The following PARD3 variants were observed in gnomAD, a reference collection of about 807,000 sequenced individuals.
PARD3 encodes par-3 family cell polarity regulator.
PARD3 carries 75 observed loss-of-function variants against 155.4 expected under a neutral mutation model. That is an observed-to-expected ratio of 0.48 (90% confidence interval 0.40 to 0.58). The LOEUF is 0.58. Ranked by LOEUF, PARD3 falls within the 20% of genes least tolerant of loss-of-function variation. PARD3 has a pLI of 0.00. For synonymous variants in PARD3, 576 were observed against 610.5 expected (o/e 0.94, Z 0.83); for missense variants, 1,642 against 1,721.7 (o/e 0.95, Z 0.82).
At chr10:34,573,729 AAACAAAAACACACACACAC>A (rs2086635896) in intron 2 of PARD3, among the ~76,000 whole-genome samples, 2 of 90,442 alleles carry the variant, frequency 2.2e-5, no homozygotes, top group African/African-American at 5.8e-5. Context: ...ACAAACAAAC[AAACAAAAACACACACACAC>A]ACACACACAC....
At chr10:34,210,277 G>A (rs2133392985) in intron 22 of PARD3, among the ~76,000 whole-genome samples, 1 of 152,332 alleles carries the variant, frequency 6.6e-6, no homozygotes, top group East Asian at 1.9e-4. Flanking sequence ...GGAATTGGAA[G>A]AGTATGAGGA....
chr10:34,145,005 GC>G (rs1280317039), intron 22 of PARD3, among the ~76,000 whole-genome samples: 4 of 151,694 alleles, frequency 2.6e-5, no homozygotes, highest in African/African-American at 9.7e-5. Flanking sequence ...GCGTTTGCAT[GC>G]TTTAAATGTA....
rs1383916842 is a variant in PARD3 at position 34,196,164 on chromosome 10, A to C, written c.3420-64581T>G. Among the ~76,000 whole-genome samples the C allele has an allele frequency of 3.3e-5, 5 of 152,134 alleles. No individual in the cohort carries two copies. In the East Asian group the frequency reaches 9.6e-4, roughly 29 times the overall value. On this transcript the variant is annotated intron_variant, in intron 22 of 24. Coordinates refer to ENST00000374788, the MANE Select transcript of PARD3 (RefSeq NM_001184785.2). ...TGCTGGCCTGTGAGCTCCTTTGTCTATAGCTTTCTAGAAATAAGTGACCCA... is the reference window on the plus strand; with the variant it reads ...TGCTGGCCTGTGAGCTCCTTTGTCTCTAGCTTTCTAGAAATAAGTGACCCA...
intron 22 of PARD3, among the ~76,000 whole-genome samples, chr10:34,190,241 C>T (rs1950648062): frequency 6.6e-6 from 1 of 152,178 alleles, no homozygotes; most frequent in African/African-American, 2.4e-5. Context: ...TCTTCACAGA[C>T]ATTAAACAAC....
At chr10:34,194,631 T>C (rs1950861076) in intron 22 of PARD3, among the ~76,000 whole-genome samples, 2 of 116,590 alleles carry the variant, frequency 1.7e-5, no homozygotes, top group Non-Finnish European at 3.7e-5. Flanking sequence ...TTTTTTTTTT[T>C]TCTTAAATTA....
At chr10:34,143,208 T>A (rs1010725142) in intron 22 of PARD3, among the ~76,000 whole-genome samples, 8 of 152,038 alleles carry the variant, frequency 5.3e-5, no homozygotes, top group Admixed American at 3.3e-4. Flanking sequence ...TAGTTCCAGC[T>A]ACTTGGGAAG....
At chr10:34,734,322 CTTTTTTTTTTTTTTT>C (rs142307338) in intron 1 of PARD3, among the ~76,000 whole-genome samples, 40 of 68,012 alleles carry the variant, frequency 5.9e-4, no homozygotes, top group African/African-American at 2.0e-3. Context: ...ATATGGGGCC[CTTTTTTTTTTTTTTT>C]TTTTTTTTTT....
chr10:34,210,457 C>T (rs1951690718), intron 22 of PARD3, among the ~76,000 whole-genome samples: 1 of 152,150 alleles, frequency 6.6e-6, no homozygotes, highest in African/African-American at 2.4e-5. Flanking sequence ...TTCTTTTAGA[C>T]ACCACCTTCT....
At chr10:34,341,866 GT>G in intron 15 of PARD3, 50 bp from the exon 16 acceptor site, 1 of 1,112,522 alleles carries the variant, frequency 9.0e-7, no homozygotes, top group Non-Finnish European at 1.3e-6. Flanking sequence ...CGATCAAAGT[GT>G]TACATCTATT....
At chr10:34,360,380 TC>T in intron 12 of PARD3, 121 bp from the exon 13 acceptor site, 1 of 650,562 alleles carries the variant, frequency 1.5e-6, no homozygotes, top group Non-Finnish European at 2.6e-6. Context: ...CCATGAAGGT[TC>T]CACAGCAAGA....
At chr10:34,150,361 T>C (rs1948719655) in intron 22 of PARD3, among the ~76,000 whole-genome samples, 1 of 152,152 alleles carries the variant, frequency 6.6e-6, no homozygotes, top group Admixed American at 6.5e-5. Context: ...ACAAGTGTAA[T>C]GTAAGTCATG....
At chr10:34,644,241 A>G (rs1437630544) in intron 2 of PARD3, among the ~76,000 whole-genome samples, 1 of 152,152 alleles carries the variant, frequency 6.6e-6, no homozygotes, top group African/African-American at 2.4e-5. Flanking sequence ...CCCAGGGGAG[A>G]CATCTGCCCT....
intron 3 of PARD3, chr10:34,488,652 G>C (rs2079642206): frequency 6.6e-6 from 1 of 152,626 alleles, no homozygotes; most frequent in Non-Finnish European, 1.5e-5. Flanking sequence ...AGGGCCTCAA[G>C]GCCGTCGTCC....
chr10:34,722,723 T>C (rs539737057), intron 1 of PARD3, among the ~76,000 whole-genome samples: 4 of 152,358 alleles, frequency 2.6e-5, no homozygotes, highest in Non-Finnish European at 5.9e-5. Flanking sequence ...CCTCAGCATT[T>C]AGAATATCAC....
chr10:34,403,722 C>T (rs1286835607), intron 5 of PARD3, among the ~76,000 whole-genome samples: 5 of 152,128 alleles, frequency 3.3e-5, no homozygotes, highest in Admixed American at 3.3e-4. Flanking sequence ...AGCACCAGCA[C>T]ATAATACATT....
rs187275888 is a variant in PARD3, at chr10:34,414,544, G to A, written c.715-12627C>T. On this transcript the variant is annotated intron_variant, in intron 5 of 24. Transcript: ENST00000374788. ...ACAGTTAACAACAATCTGGCTGGGC[G>A]TGGGCTCACACCTGTAATCCCAGCA... is the stretch of plus-strand genomic sequence containing the variant. 2.0e-3 allele frequency among the ~76,000 whole-genome samples: 298 copies of A among 151,918 alleles called. 2 individuals are homozygous for A. The highest frequency in any genetic ancestry group is 6.7e-3 in the African/African-American group (279 of 41,454).
intron 1 of PARD3, among the ~76,000 whole-genome samples, chr10:34,741,084 T>C (rs1436766044): frequency 6.6e-6 from 1 of 151,816 alleles, no homozygotes; most frequent in Non-Finnish European, 1.5e-5. Context: ...GCTAACAGAC[T>C]ATACTCAATA....
chr10:34,163,913 C>T (rs1288312517), intron 22 of PARD3, among the ~76,000 whole-genome samples: 1 of 152,144 alleles, frequency 6.6e-6, no homozygotes, highest in Non-Finnish European at 1.5e-5. Flanking sequence ...GCTACAAGAG[C>T]AATAAACACC....
Position 34,758,294 on chromosome 10 carries a change from C to A in PARD3, c.120+56582G>T, listed in dbSNP as rs538695563. Among the ~76,000 whole-genome samples, 4 of 152,300 alleles carry A rather than the reference C, an allele frequency of 2.6e-5. No individual in the cohort carries two copies. In the East Asian group the frequency reaches 5.8e-4, roughly 22 times the overall value. ...ACTGCTATATGTTATTTTACACATT[C>A]TTTTTAACAAATCCCTTCAAGAAAG... On this transcript the variant is annotated intron_variant, in intron 1 of 24. Coordinates refer to ENST00000374788, the MANE Select transcript of PARD3 (RefSeq NM_001184785.2).
Sources: gnomAD v4.1 joint callset for allele counts (sites outside exome capture counted in the v4.1 genomes callset) on GRCh38, gnomAD v4.1.1 for gene constraint, MANE v1.5 for transcripts, NCBI Gene and HGNC (gene_info 2026-07-23, HGNC 2026-07-21) for gene names.